Variants in TACR1 observed in about 807,000 individuals in gnomAD.
The protein encoded by TACR1 is tachykinin receptor 1.
In TACR1, 25 loss-of-function variants were observed where a neutral mutation model predicts 35.8. That is an observed-to-expected ratio of 0.70 (90% CI 0.51 to 0.98). The LOEUF is 0.98. Among genes scored for constraint, TACR1 ranks in the 50% least tolerant of loss-of-function variants. The pLI, the probability that TACR1 is intolerant of heterozygous loss-of-function variation, is 0.00. For missense variants in TACR1, 478 were observed against 522.9 expected (o/e 0.91, Z 0.84); for synonymous variants, 195 against 206.7 (o/e 0.94, Z 0.48).
chr2:75,190,712 G>T (rs1675822566), intron 1 of TACR1, among the ~76,000 whole-genome samples: 1 of 152,068 alleles, frequency 6.6e-6, no homozygotes, highest in African/African-American at 2.4e-5. Context: ...AGGAAACTGG[G>T]GGCCCAGATA....
At chr2:75,075,549 A>G (rs1672960837) in intron 2 of TACR1, among the ~76,000 whole-genome samples, 1 of 152,248 alleles carries the variant, frequency 6.6e-6, no homozygotes, top group South Asian at 2.1e-4. Flanking sequence ...ACTTACATAT[A>G]TGCTATATAC....
At chr2:75,142,503 C>T (rs1158817925) in intron 1 of TACR1, among the ~76,000 whole-genome samples, 2 of 152,208 alleles carry the variant, frequency 1.3e-5, no homozygotes, top group African/African-American at 4.8e-5. Context: ...TGAATAATAA[C>T]GATAGAAATA....
intron 1 of TACR1, among the ~76,000 whole-genome samples, chr2:75,143,942 T>C (rs1254553927): frequency 2.6e-5 from 4 of 152,084 alleles, no homozygotes; most frequent in Non-Finnish European, 5.9e-5. Context: ...CTCCCTAACT[T>C]CCAAGCGTGT....
At position 75,049,626 on chromosome 2, in the gene TACR1, T is replaced by A; in HGVS notation, c.1030A>T (p.Thr344Ser). 6.2e-7 allele frequency: 1 copy of A among 1,614,082 alleles called. No individual in the cohort carries two copies. Among genetic ancestry groups the A allele is most frequent in the Non-Finnish European group, 8.5e-7 (1 of 1,180,030 alleles). The change falls in exon 5 of 5, where the codon ACC (threonine) becomes TCC (serine). Residue 344 changes from threonine to serine, a missense_variant. By Grantham distance (58) the Thr-to-Ser change is moderately conservative. Transcript: ENST00000305249. ...LEMKSTRYLQTQGSVYKVSRL... is the reference protein window; with the variant it reads ...LEMKSTRYLQSQGSVYKVSRL... ...CTGACTTTGTACACACTGCCCTGGGTCTGGAGATACCGGGTGGATTTCATT... is the reference window on the plus strand; with the variant it reads ...CTGACTTTGTACACACTGCCCTGGGACTGGAGATACCGGGTGGATTTCATT...
intron 1 of TACR1, among the ~76,000 whole-genome samples, chr2:75,149,631 GT>G (rs1473323562): frequency 4.6e-5 from 7 of 152,210 alleles, no homozygotes; most frequent in African/African-American, 1.7e-4. Context: ...AGCTTAAGCA[GT>G]TTTTGGGCTG....
In TACR1 at chr2:75,049,183, C is replaced by A. The variant is rs1056552168; in HGVS notation, c.*249G>T. ...GGGCTTTTGGGAAAAGCTGGTCCGA[C>A]CTTTTATTTTACAGGCTCAGCAAAG... On this transcript the variant is annotated 3_prime_UTR_variant, in exon 5 of 5. Transcript: ENST00000305249. 8.0e-5 allele frequency: 39 copies of A among 489,950 alleles called. No individual in the cohort carries two copies. The highest frequency in any genetic ancestry group is 1.0e-3 in the Middle Eastern group (2 of 1,912). 30.4% of individuals were successfully genotyped at this position (489,950 alleles called of 1,614,324 possible).
intron 2 of TACR1, among the ~76,000 whole-genome samples, chr2:75,056,001 A>C (rs1309885506): frequency 1.3e-5 from 2 of 152,238 alleles, no homozygotes. Context: ...ATCAGTGCCC[A>C]AAGGTATTCA....
At chr2:75,089,307 C>G (rs1198185842) in intron 2 of TACR1, among the ~76,000 whole-genome samples, 1 of 152,212 alleles carries the variant, frequency 6.6e-6, no homozygotes, top group Non-Finnish European at 1.5e-5. Flanking sequence ...TAGCACTTCT[C>G]ACCACCTCCA....
At chr2:75,146,673 T>C (rs1379316405) in intron 1 of TACR1, among the ~76,000 whole-genome samples, 1 of 152,204 alleles carries the variant, frequency 6.6e-6, no homozygotes, top group Admixed American at 6.5e-5. Context: ...ACATGTGGAA[T>C]CTACTAGTTA....
chr2:75,156,482 G>A (rs1365894923), intron 1 of TACR1, among the ~76,000 whole-genome samples: 1 of 151,234 alleles, frequency 6.6e-6, no homozygotes, highest in Non-Finnish European at 1.5e-5. Flanking sequence ...AGGCCCCTGT[G>A]GTCCCAGCTA....
chr2:75,083,491 C>T (rs1673132219), intron 2 of TACR1, among the ~76,000 whole-genome samples: 1 of 152,170 alleles, frequency 6.6e-6, no homozygotes, highest in African/African-American at 2.4e-5. Context: ...ATGGGAATGG[C>T]ATTGAATCTA....
At chr2:75,124,935 C>G (rs114961000) in intron 1 of TACR1, among the ~76,000 whole-genome samples, 1 of 152,176 alleles carries the variant, frequency 6.6e-6, no homozygotes, top group Non-Finnish European at 1.5e-5. Context: ...GTAAGGTGGT[C>G]TACGGCCAGT....
chr2:75,108,189 C>T (rs1673687485), intron 2 of TACR1, among the ~76,000 whole-genome samples: 2 of 151,950 alleles, frequency 1.3e-5, no homozygotes, highest in Admixed American at 6.6e-5. Context: ...CATCCCTAGC[C>T]TTGATACCAA....
At chr2:75,101,880 G>T (rs1673539245) in intron 2 of TACR1, among the ~76,000 whole-genome samples, 1 of 152,082 alleles carries the variant, frequency 6.6e-6, no homozygotes, top group Non-Finnish European at 1.5e-5. Context: ...GGAGGTGGAG[G>T]TTGCAGTGAA....
intron 1 of TACR1, among the ~76,000 whole-genome samples, chr2:75,173,748 T>G (rs3771850): frequency 8.5e-5 from 13 of 152,144 alleles, no homozygotes; most frequent in Non-Finnish European, 1.8e-4. Flanking sequence ...AACTTGAAAG[T>G]ATATTCATCA....
intron 2 of TACR1, among the ~76,000 whole-genome samples, chr2:75,057,253 C>A (rs1672587052): frequency 2.0e-5 from 3 of 152,184 alleles, no homozygotes; most frequent in Admixed American, 2.0e-4. Context: ...CTCATCCTGG[C>A]TCAAAAGCTC....
At chr2:75,094,860 T>TATATATATATATATATATATATATATA (rs1491102755) in intron 2 of TACR1, among the ~76,000 whole-genome samples, 4 of 50,400 alleles carry the variant, frequency 7.9e-5, no homozygotes, top group Non-Finnish European at 1.3e-4. Flanking sequence ...TATATATATA[T>TATATATATATATATATATATATATATA]TTTTTTTTTT....
chr2:75,182,795 G>A (rs940404922), intron 1 of TACR1, among the ~76,000 whole-genome samples: 2 of 152,146 alleles, frequency 1.3e-5, no homozygotes, highest in Non-Finnish European at 2.9e-5. Context: ...CTTACACATT[G>A]TTCATGATGT....
intron 1 of TACR1, among the ~76,000 whole-genome samples, chr2:75,138,306 TA>T (rs1328100181): frequency 5.3e-5 from 8 of 152,328 alleles, no homozygotes; most frequent in African/African-American, 1.9e-4. Flanking sequence ...CACCACCTCC[TA>T]TGTGCCAGGT....
Sources: allele counts gnomAD v4.1 joint callset (sites outside exome capture counted in the v4.1 genomes callset), GRCh38; gene constraint gnomAD v4.1.1; transcripts MANE v1.5; gene names NCBI Gene and HGNC (gene_info 2026-07-23, HGNC 2026-07-21).